Variants in PTPRK observed in about 807,000 individuals in gnomAD.
The protein encoded by PTPRK is protein tyrosine phosphatase receptor type K.
A neutral mutation model predicts 178.0 loss-of-function variants in PTPRK; 75 were observed. The ratio of observed to expected loss-of-function variants is 0.42; its 90% CI spans 0.35 to 0.51. The LOEUF (loss-of-function observed/expected upper bound fraction) is 0.51. Among genes scored for constraint, PTPRK ranks in the 20% least tolerant of loss-of-function variants. The pLI is 0.02. For synonymous variants in PTPRK, 637 were observed against 620.6 expected, an observed-to-expected ratio of 1.03 and a Z score of -0.39; for missense variants, 1,441 against 1,797.8, an observed-to-expected ratio of 0.80 and a Z score of 3.59.
At position 128,098,634 on chromosome 6, in the gene PTPRK, A is replaced by G. The variant is rs972570962; in HGVS notation, c.1163-8642T>C. On this transcript the variant is annotated intron_variant, in intron 7 of 29. Coordinates refer to ENST00000368226, the MANE Select transcript of PTPRK (RefSeq NM_002844.4). ...GAGAGTTTGTGGTTAGTTGTTACTCAGCATTTTGAAACAGGCATTATTTCT... is the reference window on the plus strand; with the variant it reads ...GAGAGTTTGTGGTTAGTTGTTACTCGGCATTTTGAAACAGGCATTATTTCT... 6.6e-5 allele frequency among the ~76,000 whole-genome samples: 10 copies of G among 152,272 alleles called. No individual in the cohort carries two copies. The East Asian group carries it at 7.7e-4, about 12-fold the overall frequency.
At chr6:128,487,319 T>A (rs1373755344) in intron 1 of PTPRK, among the ~76,000 whole-genome samples, 1 of 150,382 alleles carries the variant, frequency 6.6e-6, no homozygotes, top group Non-Finnish European at 1.5e-5. Context: ...CTTCAGAAAA[T>A]GACACAGAAG....
At chr6:128,363,558 T>G (rs1392522697) in intron 2 of PTPRK, among the ~76,000 whole-genome samples, 1 of 152,156 alleles carries the variant, frequency 6.6e-6, no homozygotes, top group African/African-American at 2.4e-5. Context: ...AAACAGTACC[T>G]GCCTCCATTC....
rs755484947 is a variant in PTPRK at position 127,976,772 on chromosome 6, T to G, written c.3854A>C (p.Gln1285Pro). The G allele has an allele frequency of 1.2e-6, 2 of 1,613,560 alleles. No homozygotes were observed. The highest frequency in any genetic ancestry group is 1.1e-5 in the South Asian group (1 of 91,054). ...TAGCATCCCTTCCTCTGGCCAGTAC[T>G]GAGGGCAGCCCTAAATGATGAACGT... ...NEVDLSQGCP[Q>P]YWPEEGMLRY... Residue 1285 changes from glutamine (Q) to proline (P), a missense_variant, in exon 27 of 30, where the codon CAG (glutamine) becomes CCG (proline). This residue lies in a region of PTPRK where 335 missense variants were observed against 512.4 expected (regional missense o/e 0.65). Transcript: ENST00000368226.
chr6:128,511,086 A>C (rs1857112632), intron 1 of PTPRK, among the ~76,000 whole-genome samples: 1 of 152,194 alleles, frequency 6.6e-6, no homozygotes, highest in African/African-American at 2.4e-5. Context: ...AAAATAATGG[A>C]AATAATATAA....
At chr6:128,158,712 G>C (rs1158094666) in intron 7 of PTPRK, among the ~76,000 whole-genome samples, 1 of 151,804 alleles carries the variant, frequency 6.6e-6, no homozygotes, top group African/African-American at 2.4e-5. Flanking sequence ...CATTACTGTT[G>C]TCAAATACTT....
chr6:128,223,922 A>G (rs1274021126), intron 5 of PTPRK, among the ~76,000 whole-genome samples: 1 of 152,176 alleles, frequency 6.6e-6, no homozygotes, highest in Non-Finnish European at 1.5e-5. Flanking sequence ...ATTATTTAGT[A>G]TTGAGGTTTA....
At chr6:128,067,443 G>T in intron 12 of PTPRK, 76 bp downstream of exon 12, 2 of 1,330,208 alleles carry the variant, frequency 1.5e-6, no homozygotes, top group Admixed American at 2.5e-5. Flanking sequence ...CTTGACGGAT[G>T]CTACTGAGTA....
intron 3 of PTPRK, among the ~76,000 whole-genome samples, chr6:128,275,105 C>T (rs1820511759): frequency 6.6e-6 from 1 of 152,022 alleles, no homozygotes; most frequent in Admixed American, 6.6e-5. Context: ...GTACAACACA[C>T]ACTTTCATTT....
chr6:128,140,368 C>T (rs1183005096), intron 7 of PTPRK, among the ~76,000 whole-genome samples: 1 of 151,908 alleles, frequency 6.6e-6, no homozygotes, highest in Non-Finnish European at 1.5e-5. Flanking sequence ...TGAAGCATTA[C>T]CTTTCAAATA....
chr6:128,483,918 C>T (rs938170780), intron 1 of PTPRK, among the ~76,000 whole-genome samples: 6 of 152,002 alleles, frequency 3.9e-5, no homozygotes, highest in Non-Finnish European at 8.8e-5. Context: ...TAATGGAACA[C>T]AGATTTAGTA....
intron 7 of PTPRK, among the ~76,000 whole-genome samples, chr6:128,111,635 C>T (rs192890674): frequency 5.0e-4 from 76 of 150,822 alleles, no homozygotes; most frequent in African/African-American, 1.5e-3. Flanking sequence ...TAGGAACACA[C>T]CTCCCTCCAT....
intron 29 of PTPRK, 145 bp from the exon 30 acceptor site, chr6:127,970,425 G>T: frequency 2.0e-6 from 1 of 505,760 alleles, no homozygotes; most frequent in South Asian, 4.4e-5. Context: ...TAATATCTAG[G>T]CATACATATT....
At chr6:128,451,220 A>G (rs900040739) in intron 1 of PTPRK, among the ~76,000 whole-genome samples, 2 of 152,206 alleles carry the variant, frequency 1.3e-5, no homozygotes, top group African/African-American at 2.4e-5. Flanking sequence ...GAACATCTAA[A>G]TAACTTAGCA....
At position 128,148,236 on chromosome 6, in the gene PTPRK, C is replaced by T. The variant is rs182859194; in HGVS notation, c.1162+36196G>A. Among the ~76,000 whole-genome samples, 47 of 152,044 alleles carry T rather than the reference C, an allele frequency of 3.1e-4. No individual in the cohort carries two copies. The South Asian group carries it at 5.4e-3, about 17-fold the overall frequency. On this transcript the variant is annotated intron_variant, in intron 7 of 29. Coordinates refer to ENST00000368226, the MANE Select transcript of PTPRK (RefSeq NM_002844.4). ...GAATCAGAGTTTTGCTATTTGGTAC[C>T]AGAAGGATGAGGAGAATACATTTTA...
chr6:128,337,433 T>C (rs1831088440), intron 2 of PTPRK, among the ~76,000 whole-genome samples: 1 of 152,170 alleles, frequency 6.6e-6, no homozygotes, highest in Non-Finnish European at 1.5e-5. Flanking sequence ...GTGCTAAATA[T>C]TGTACAGGAA....
At chr6:128,141,670 C>T (rs1795788027) in intron 7 of PTPRK, among the ~76,000 whole-genome samples, 1 of 151,756 alleles carries the variant, frequency 6.6e-6, no homozygotes, top group African/African-American at 2.4e-5. Flanking sequence ...TGTGTTAAAG[C>T]AACTGTTTTG....
chr6:128,283,634 C>T (rs1056041849), intron 3 of PTPRK, among the ~76,000 whole-genome samples: 8 of 151,560 alleles, frequency 5.3e-5, no homozygotes, highest in African/African-American at 9.7e-5. Flanking sequence ...GTATACAGAC[C>T]GAAAAATAAT....
At chr6:128,421,945 A>G (rs934749191) in intron 1 of PTPRK, among the ~76,000 whole-genome samples, 2 of 152,230 alleles carry the variant, frequency 1.3e-5, no homozygotes, top group Non-Finnish European at 2.9e-5. Context: ...CATTCAAATA[A>G]GAAACACACA....
chr6:127,993,028 T>C (rs1408133041), intron 18 of PTPRK, among the ~76,000 whole-genome samples: 1 of 151,810 alleles, frequency 6.6e-6, no homozygotes, highest in Non-Finnish European at 1.5e-5. Flanking sequence ...AGTCATTCAT[T>C]CCTGGTAAAA....
Sources: gnomAD v4.1 joint callset for allele counts (sites outside exome capture counted in the v4.1 genomes callset) on GRCh38, gnomAD v4.1.1 for gene constraint, gnomAD v4.1.1 regional missense constraint, MANE v1.5 for transcripts, NCBI Gene and HGNC (gene_info 2026-07-23, HGNC 2026-07-21) for gene names.